The following PCMTD1 variants were observed in gnomAD, a reference collection of about 807,000 sequenced individuals.
PCMTD1 encodes protein-L-isoaspartate (D-aspartate) O-methyltransferase domain containing 1, also known as protein-L-isoaspartate O-methyltransferase domain-containing protein 1.
Under a neutral mutation model 37.6 loss-of-function variants are expected in PCMTD1, and 12 were observed. That is an observed-to-expected ratio of 0.32 (90% CI 0.20 to 0.52). The LOEUF (loss-of-function observed/expected upper bound fraction) is 0.52, where lower values mean the gene tolerates loss of function less well. PCMTD1 is among the 20% of genes least tolerant of loss of function. The pLI is 0.97. For synonymous variants in PCMTD1, 117 were observed against 135.8 expected (o/e 0.86, Z 0.96); for missense variants, 235 against 421.3 (o/e 0.56, Z 3.87).
Position 51,825,586 on chromosome 8 carries a change from C to T in PCMTD1, c.707-4868G>A, listed in dbSNP as rs557381025. 3.7e-5 allele frequency among the ~76,000 whole-genome samples: 2 copies of T among 54,532 alleles called. 1 individual carries two copies. Among genetic ancestry groups the T allele is most frequent in the Non-Finnish European group, 1.9e-4 (2 of 10,516 alleles). 35.8% of individuals were successfully genotyped at this position (54,532 alleles called of 152,430 possible). ...GCGGGCGCCTGTAGTCCCAGCTACT[C>T]GGGAGGCTGAGGCAGGAGAATGGCG... On this transcript the variant is annotated intron_variant, in intron 5 of 5. Coordinates refer to ENST00000522514, the MANE Select transcript of PCMTD1 (RefSeq NM_052937.4).
chr8:51,843,696 T>C (rs190817497), intron 3 of PCMTD1, among the ~76,000 whole-genome samples: 16 of 152,270 alleles, frequency 1.1e-4, no homozygotes, highest in African/African-American at 3.4e-4. Context: ...TACATCAACA[T>C]AGAAACACTT....
chr8:51,833,683 C>T lies in PCMTD1; in HGVS notation c.417G>A (p.Glu139=). ...IKNSDSFDKF[E]FCEPAFVVGN... ...CAACAACAAATGCAGGTTCACAGAA[C>T]TCAAATCTGCATTGAAAAACAAACA... Residue 139 remains glutamate, a synonymous_variant, in exon 4 of 6, where the codon GAG becomes GAA. Transcript: ENST00000522514. The T allele has an allele frequency of 1.2e-6, 2 of 1,603,516 alleles. No individual in the cohort carries two copies. Among genetic ancestry groups the T allele is most frequent in the African/African-American group, 1.3e-5 (1 of 74,872 alleles).
intron 3 of PCMTD1, among the ~76,000 whole-genome samples, chr8:51,835,554 G>A (rs2038056693): frequency 6.6e-6 from 1 of 151,618 alleles, no homozygotes; most frequent in Admixed American, 6.6e-5. Flanking sequence ...ATAATAAGTT[G>A]GACTATTTCA....
At chr8:51,875,682 AATC>A (rs1174102069) in intron 1 of PCMTD1, among the ~76,000 whole-genome samples, 1 of 152,208 alleles carries the variant, frequency 6.6e-6, no homozygotes, top group Non-Finnish European at 1.5e-5. Flanking sequence ...TCATGCCTAT[AATC>A]TCAGCACTCT....
chr8:51,864,685 A>G (rs1433382868), intron 1 of PCMTD1, among the ~76,000 whole-genome samples: 2 of 152,306 alleles, frequency 1.3e-5, no homozygotes, highest in African/African-American at 2.4e-5. Flanking sequence ...GAAACATAAC[A>G]TACCATAACT....
chr8:51,879,598 T>C (rs948477605), intron 1 of PCMTD1, among the ~76,000 whole-genome samples: 12 of 152,254 alleles, frequency 7.9e-5, no homozygotes, highest in South Asian at 6.2e-4. Context: ...TCTCCTCAAT[T>C]AAAGCTCAGT....
chr8:51,882,971 C>CAAAA (rs71252917), intron 1 of PCMTD1, among the ~76,000 whole-genome samples: 2 of 137,574 alleles, frequency 1.5e-5, no homozygotes, highest in Admixed American at 7.3e-5. Flanking sequence ...ACTAAAAATA[C>CAAAA]AAAAAAAAAA....
At chr8:51,857,163 C>A (rs949651043) in intron 2 of PCMTD1, among the ~76,000 whole-genome samples, 10 of 152,192 alleles carry the variant, frequency 6.6e-5, no homozygotes, top group African/African-American at 2.4e-4. Flanking sequence ...TTAACTAATG[C>A]TTCTAAACAA....
intron 2 of PCMTD1, among the ~76,000 whole-genome samples, chr8:51,850,841 G>T (rs2038294572): frequency 2.0e-5 from 3 of 152,004 alleles, no homozygotes; most frequent in African/African-American, 2.4e-5. Flanking sequence ...TCTTTATAAA[G>T]ATTTATAAGC....
intron 2 of PCMTD1, among the ~76,000 whole-genome samples, chr8:51,851,787 C>G (rs1000340043): frequency 1.3e-5 from 2 of 151,980 alleles, no homozygotes; most frequent in African/African-American, 4.8e-5. Flanking sequence ...TCCCAAGTAG[C>G]TTACAGGCAT....
At chr8:51,861,299 A>G in intron 1 of PCMTD1, 53 bp from the exon 2 acceptor site, 1 of 1,244,994 alleles carries the variant, frequency 8.0e-7, no homozygotes, top group East Asian at 2.6e-5. Flanking sequence ...CAAAAGCAAA[A>G]TAACTTGTTT....
At chr8:51,827,384 T>C (rs768116547) in intron 5 of PCMTD1, 76 of 724,144 alleles carry the variant, frequency 1.0e-4, no homozygotes, top group Non-Finnish European at 1.4e-4. Flanking sequence ...AATGGAAAAA[T>C]TGAGAAATAA....
intron 5 of PCMTD1, among the ~76,000 whole-genome samples, chr8:51,823,389 G>C (rs1002224298): frequency 4.6e-5 from 7 of 152,156 alleles, no homozygotes; most frequent in Admixed American, 4.6e-4. Flanking sequence ...ATCTGAGTCT[G>C]GCTAGGTCGA....
chr8:51,831,408 T>A (rs1285360735), intron 5 of PCMTD1, 36 bp downstream of exon 5: 3 of 1,602,892 alleles, frequency 1.9e-6, no homozygotes, highest in Middle Eastern at 4.2e-4. Flanking sequence ...ACACCATAAG[T>A]CATAATTCAA....
intron 3 of PCMTD1, chr8:51,839,610 T>C (rs1176919342): frequency 2.0e-6 from 2 of 985,296 alleles, no homozygotes; most frequent in Non-Finnish European, 2.4e-6. Flanking sequence ...GCTTCCCTCT[T>C]AGACGGATAG....
intron 5 of PCMTD1, among the ~76,000 whole-genome samples, chr8:51,824,512 G>A (rs1256045812): frequency 1.3e-5 from 2 of 152,120 alleles, no homozygotes; most frequent in Non-Finnish European, 2.9e-5. Context: ...CCTCTTCAAG[G>A]AGAACAACAA....
intron 3 of PCMTD1, among the ~76,000 whole-genome samples, chr8:51,835,923 A>C (rs2038060781): frequency 6.6e-6 from 1 of 152,202 alleles, no homozygotes; most frequent in Non-Finnish European, 1.5e-5. Context: ...TGATTCTAAA[A>C]TTAAATGTGT....
chr8:51,823,487 C>G (rs1324821779), intron 5 of PCMTD1, among the ~76,000 whole-genome samples: 2 of 152,036 alleles, frequency 1.3e-5, no homozygotes, highest in East Asian at 3.9e-4. Flanking sequence ...AAAAAAAGTT[C>G]TTTTGAATGA....
intron 5 of PCMTD1, among the ~76,000 whole-genome samples, chr8:51,823,137 C>T (rs1585780360): frequency 1.3e-5 from 2 of 152,290 alleles, no homozygotes; most frequent in East Asian, 1.9e-4. Flanking sequence ...ACACTCAGGA[C>T]TCCTAAAGTA....
Sources: allele counts gnomAD v4.1 joint callset (sites outside exome capture counted in the v4.1 genomes callset), GRCh38; gene constraint gnomAD v4.1.1; transcripts MANE v1.5; gene names NCBI Gene and HGNC (gene_info 2026-07-23, HGNC 2026-07-21).